The following DBF4B variants were observed in gnomAD, a reference collection of about 807,000 sequenced individuals.
The protein encoded by DBF4B is protein DBF4 homolog B.
In DBF4B, 49 loss-of-function variants were observed where a neutral mutation model predicts 53.4. The ratio of observed to expected loss-of-function variants is 0.92; its 90% confidence interval spans 0.73 to 1.16. The LOEUF (loss-of-function observed/expected upper bound fraction) is 1.16. Ranked by LOEUF, DBF4B falls within the 50% of genes most tolerant of loss-of-function variation. The pLI is 0.00. For missense variants in DBF4B, 692 were observed against 775.0 expected (o/e 0.89, Z 1.27); for synonymous variants, 257 against 288.7 (o/e 0.89, Z 1.11).
At chr17:44,721,616 TC>T (rs575749104) in intron 2 of DBF4B, among the ~76,000 whole-genome samples, 4 of 152,232 alleles carry the variant, frequency 2.6e-5, no homozygotes, top group Admixed American at 2.6e-4. Flanking sequence ...TTTTTCTTTT[TC>T]CTATCTGGTT....
intron 10 of DBF4B, among the ~76,000 whole-genome samples, chr17:44,746,658 A>C (rs1281363461): frequency 1.3e-5 from 2 of 152,068 alleles, no homozygotes; most frequent in Non-Finnish European, 2.9e-5. Flanking sequence ...GTCTCTACTG[A>C]AAATACAAAA....
chr17:44,710,435 C>G (rs1255277418), intron 2 of DBF4B, among the ~76,000 whole-genome samples: 1 of 152,086 alleles, frequency 6.6e-6, no homozygotes, highest in East Asian at 1.9e-4. Flanking sequence ...TCCTTCAACA[C>G]ATTGAAAAAT....
At chr17:44,731,558 G>A in intron 5 of DBF4B, 1 of 160,982 alleles carries the variant, frequency 6.2e-6, no homozygotes, top group Non-Finnish European at 1.4e-5. Flanking sequence ...AGCCGAGATT[G>A]TGCCACTGCA....
At chr17:44,729,672 T>G (rs1974648716) in intron 3 of DBF4B, among the ~76,000 whole-genome samples, 1 of 137,072 alleles carries the variant, frequency 7.3e-6, no homozygotes, top group African/African-American at 2.9e-5. Context: ...AGACAAAACC[T>G]GTAATACACA....
At chr17:44,732,425 G>C in intron 6 of DBF4B, 160 bp downstream of exon 6, 1 of 786,226 alleles carries the variant, frequency 1.3e-6, no homozygotes. Context: ...ATGTGGGGAA[G>C]GGGGAAAGCG....
chr17:44,712,447 G>A (rs1347118193), intron 2 of DBF4B, among the ~76,000 whole-genome samples: 1 of 151,484 alleles, frequency 6.6e-6, no homozygotes, highest in Non-Finnish European at 1.5e-5. Flanking sequence ...TGGGACTACA[G>A]GCACGTGCCA....
At chr17:44,747,047 C>A in intron 10 of DBF4B, 36 bp from the exon 11 acceptor site, 1 of 1,591,674 alleles carries the variant, frequency 6.3e-7, no homozygotes, top group Non-Finnish European at 8.6e-7. Context: ...AGGGCCCCAG[C>A]AGTAACCACT....
rs1024629559 is a variant in DBF4B, at chr17:44,752,166, G to A, written c.*913G>A. 1.7e-5 allele frequency: 11 copies of A among 631,454 alleles called. No homozygotes were observed. Among genetic ancestry groups the A allele is most frequent in the Middle Eastern group, 2.6e-4 (1 of 3,844 alleles). 39.1% of individuals were successfully genotyped at this position (631,454 alleles called of 1,614,324 possible). ...CAACTCACTGTGACCTCAGAAAAAT[G>A]CCTTTATTACTCGGGCCTCAGTTTC... On this transcript the variant is annotated 3_prime_UTR_variant, in exon 14 of 14. Transcript: ENST00000315005.
intron 2 of DBF4B, among the ~76,000 whole-genome samples, chr17:44,718,212 A>ACC (rs1973502333): frequency 1.3e-5 from 2 of 151,950 alleles, no homozygotes; most frequent in Middle Eastern, 3.2e-3. Flanking sequence ...CGGGCGGATC[A>ACC]TGAGTTCAAG....
chr17:44,710,444 A>T (rs1344473306), intron 2 of DBF4B, among the ~76,000 whole-genome samples: 1 of 152,170 alleles, frequency 6.6e-6, no homozygotes, highest in Non-Finnish European at 1.5e-5. Flanking sequence ...ACATTGAAAA[A>T]TTACAGTATT....
At position 44,723,023 on chromosome 17, in the gene DBF4B, G is replaced by T; in HGVS notation, c.225+1G>T. ...GGGGGCCATTCAGCAACTGGGTGGG[G>T]TAGGTAACCTGCTCTTCTCCTGCGA... On this transcript the variant is annotated splice_donor_variant, in intron 3 of 13. Transcript: ENST00000315005. LOFTEE classifies it high-confidence loss of function. 1.9e-6 allele frequency: 3 copies of T among 1,613,936 alleles called. No individual in the cohort carries two copies. Among genetic ancestry groups the T allele is most frequent in the Non-Finnish European group, 1.7e-6 (2 of 1,179,854 alleles).
At chr17:44,742,228 C>A (rs141823924) in intron 10 of DBF4B, among the ~76,000 whole-genome samples, 1 of 151,562 alleles carries the variant, frequency 6.6e-6, no homozygotes, top group Admixed American at 6.6e-5. Flanking sequence ...ATGGTGAAAC[C>A]CCTTCTCTAC....
chr17:44,751,987 G>A lies in DBF4B; in HGVS notation c.*734G>A. On this transcript the variant is annotated 3_prime_UTR_variant, in exon 14 of 14. Transcript: ENST00000315005. ...GAGTCAGCTCCGAGACACCTGAAGA[G>A]CCCTCCAGCCCTAACTACTTTACTC... 6.5e-7 allele frequency: 1 copy of A among 1,535,854 alleles called. No individual in the cohort carries two copies. The highest frequency in any genetic ancestry group is 1.2e-5 in the South Asian group (1 of 84,034).
intron 2 of DBF4B, among the ~76,000 whole-genome samples, chr17:44,712,193 G>A (rs1236217894): frequency 6.6e-6 from 1 of 150,466 alleles, no homozygotes; most frequent in African/African-American, 2.4e-5. Flanking sequence ...CACTTCCTAA[G>A]AAACAGCCAT....
At chr17:44,717,967 A>G (rs888396163) in intron 2 of DBF4B, among the ~76,000 whole-genome samples, 3 of 152,014 alleles carry the variant, frequency 2.0e-5, no homozygotes, top group South Asian at 2.1e-4. Context: ...TCAAGGCTGC[A>G]GTGAGCCATG....
At chr17:44,731,967 C>A in intron 5 of DBF4B, 1 of 559,704 alleles carries the variant, frequency 1.8e-6, no homozygotes, top group South Asian at 2.1e-5. Context: ...ACCAGTGGTC[C>A]TTCCTCTCCC....
In DBF4B at chr17:44,721,900, C is replaced by T. The variant is rs1239311664; in HGVS notation, c.83-980C>T. ...CTGTAATCCCAGCACTTTGGGAGGCCGAGGCGAGCAGATCACCTGAGGTCG... is the reference window on the plus strand; with the variant it reads ...CTGTAATCCCAGCACTTTGGGAGGCTGAGGCGAGCAGATCACCTGAGGTCG... On this transcript the variant is annotated intron_variant, in intron 2 of 13. Coordinates refer to ENST00000315005, the MANE Select transcript of DBF4B (RefSeq NM_145663.3). Among the ~76,000 whole-genome samples the T allele has an allele frequency of 5.3e-5, 8 of 150,980 alleles. No homozygotes were observed. In the South Asian group the frequency reaches 6.3e-4, roughly 12 times the overall value.
At chr17:44,721,022 C>G (rs747859681) in intron 2 of DBF4B, among the ~76,000 whole-genome samples, 1 of 151,522 alleles carries the variant, frequency 6.6e-6, no homozygotes, top group Non-Finnish European at 1.5e-5. Context: ...TGAACCACCA[C>G]GCCCGGTTAT....
At chr17:44,713,469 A>G (rs1031057932) in intron 2 of DBF4B, among the ~76,000 whole-genome samples, 1 of 151,952 alleles carries the variant, frequency 6.6e-6, no homozygotes, top group Non-Finnish European at 1.5e-5. Flanking sequence ...CCTGGCCAAC[A>G]TGGTGAAACC....
Sources: allele counts gnomAD v4.1 joint callset (sites outside exome capture counted in the v4.1 genomes callset), GRCh38; gene constraint gnomAD v4.1.1; transcripts MANE v1.5; gene names NCBI Gene and HGNC (gene_info 2026-07-23, HGNC 2026-07-21).